TCOF1: variants seen among roughly 807,000 people sequenced by gnomAD.
TCOF1 encodes the protein treacle ribosome biogenesis factor 1.
In TCOF1, 33 loss-of-function variants were observed where a neutral mutation model predicts 149.0. The ratio of observed to expected loss-of-function variants is 0.22; its 90% CI spans 0.17 to 0.30. TCOF1 has a LOEUF of 0.30. Ranked by LOEUF, TCOF1 falls within the 10% of genes least tolerant of loss-of-function variation. The pLI is 1.00. For synonymous variants in TCOF1, 789 were observed against 738.8 expected, an observed-to-expected ratio of 1.07 and a Z score of -1.10; for missense variants, 1,728 against 1,840.7, an observed-to-expected ratio of 0.94 and a Z score of 1.12.
chr5:150,393,199 A>G, intron 22 of TCOF1, 173 bp from the exon 23 acceptor site: 1 of 727,484 alleles, frequency 1.4e-6, no homozygotes, highest in South Asian at 1.6e-5. Context: ...CAGGAGGCAC[A>G]CGCCAAGGGC....
chr5:150,358,682 C>CA (rs1759258496), intron 1 of TCOF1, among the ~76,000 whole-genome samples: 1 of 152,066 alleles, frequency 6.6e-6, no homozygotes, highest in Non-Finnish European at 1.5e-5. Context: ...ACTAAAAATA[C>CA]AAAAATTAGC....
rs532708801 is a variant in TCOF1 at position 150,381,106 on chromosome 5, G to A, written c.2859+1374G>A. ...CGGAGAGCCCTTGCCCCATCCAGAG[G>A]GGCAGTTCTTATCAGCTTCAGCCAG... On this transcript the variant is annotated intron_variant, in intron 17 of 26. Transcript: ENST00000643257. 2.0e-5 allele frequency among the ~76,000 whole-genome samples: 3 copies of A among 152,290 alleles called. No homozygotes were observed. The East Asian group carries it at 5.8e-4, about 29-fold the overall frequency.
In TCOF1 at chr5:150,375,859, T is replaced by G; in HGVS notation, c.1843T>G (p.Ser615Ala). 1.2e-6 allele frequency: 2 copies of G among 1,613,786 alleles called. No homozygotes were observed. The highest frequency in any genetic ancestry group is 1.7e-6 in the Non-Finnish European group (2 of 1,179,752). ...CAACTCGGAGAGCAGCGAGGAGTCA[T>G]CGGACAGTGCGGACAGTGAGGAGGC... ...MDNSESSEESSDSADSEEAPA... is the reference protein window; with the variant it reads ...MDNSESSEESADSADSEEAPA... The change falls in exon 12 of 27, where the codon TCG becomes GCG. Residue 615 changes from serine to alanine, a missense_variant. Coordinates refer to ENST00000643257, the MANE Select transcript of TCOF1 (RefSeq NM_001371623.1).
intron 18 of TCOF1, among the ~76,000 whole-genome samples, chr5:150,388,416 G>C (rs1362433485): frequency 1.3e-5 from 2 of 152,162 alleles, no homozygotes; most frequent in African/African-American, 4.8e-5. Flanking sequence ...TGGTCAGGGT[G>C]GTAGTGAGCT....
chr5:150,396,463 G>A lies in TCOF1; in HGVS notation c.3966G>A (p.Glu1322=), dbSNP rs1581223956. Residue 1322 remains glutamate (E), a synonymous_variant, in exon 24 of 27, where the codon GAG becomes GAA. Transcript: ENST00000643257. Reference sequence around the variant, plus strand: ...CCTCAGTGGTGAAGGTCCTGACTGAGCTGCTGGAACAGGAAAGAAAGAAGG... The same window carrying A: ...CCTCAGTGGTGAAGGTCCTGACTGAACTGCTGGAACAGGAAAGAAAGAAGG... ...VQASVVKVLT[E]LLEQERKKVV... The A allele has an allele frequency of 6.8e-6, 11 of 1,614,056 alleles. No homozygotes were observed. Among genetic ancestry groups the A allele is most frequent in the Non-Finnish European group, 9.3e-6 (11 of 1,180,012 alleles).
Position 150,396,441 on chromosome 5 carries a change from C to T in TCOF1, c.3944C>T (p.Ser1315Leu). The change falls in exon 24 of 27, where the codon TCA becomes TTA. Residue 1315 changes from serine (S) to leucine (L), a missense_variant. Physicochemically the swap from Ser to Leu is moderately radical, Grantham distance 145. Around this residue, in one of 2 missense-constraint regions of TCOF1, gnomAD observed 1,696 missense variants for 1,765.4 expected, o/e 0.96. Coordinates refer to ENST00000643257, the MANE Select transcript of TCOF1 (RefSeq NM_001371623.1). Reference protein sequence around the residue: ...WPLNEAQVQASVVKVLTELLE... With the variant: ...WPLNEAQVQALVVKVLTELLE... Reference sequence around the variant, plus strand: ...CTGAATGAGGCCCAGGTGCAGGCCTCAGTGGTGAAGGTCCTGACTGAGCTG... The same window carrying T: ...CTGAATGAGGCCCAGGTGCAGGCCTTAGTGGTGAAGGTCCTGACTGAGCTG... 8 of 1,614,020 alleles carry T rather than the reference C, an allele frequency of 5.0e-6. No individual in the cohort carries two copies. The highest frequency in any genetic ancestry group is 1.3e-5 in the African/African-American group (1 of 75,048).
chr5:150,364,146 G>A lies in TCOF1; in HGVS notation c.198G>A (p.Glu66=). The change falls in exon 3 of 27, where the codon GAG becomes GAA. Residue 66 remains glutamate, a synonymous_variant. Coordinates refer to ENST00000643257, the MANE Select transcript of TCOF1 (RefSeq NM_001371623.1). ...TSELGRKRKA[E]EDAALQAKKT... is the part of the protein sequence containing the mutation. Reference sequence around the variant, plus strand: ...AGCTTGGTCGGAAGCGGAAGGCAGAGGAAGATGCGGCACTGCAAGCTAAGA... The same window carrying A: ...AGCTTGGTCGGAAGCGGAAGGCAGAAGAAGATGCGGCACTGCAAGCTAAGA... The A allele has an allele frequency of 6.2e-7, 1 of 1,614,142 alleles. No homozygotes were observed. Among genetic ancestry groups the A allele is most frequent in the South Asian group, 1.1e-5 (1 of 91,074 alleles).
At position 150,384,616 on chromosome 5, in the gene TCOF1, A is replaced by G. The variant is rs145972471; in HGVS notation, c.2860-3286A>G. 2.1e-5 allele frequency: 21 copies of G among 985,484 alleles called. No homozygotes were observed. In the African/African-American group the frequency reaches 3.3e-4, roughly 16 times the overall value. 61.0% of individuals were successfully genotyped at this position (985,484 alleles called of 1,614,324 possible). A position where few individuals can be genotyped will look rare whatever the true frequency, so the allele number is the denominator to read the frequency against. On this transcript the variant is annotated intron_variant, in intron 17 of 26. Transcript: ENST00000643257. ...GTGGGGGTGGACTAACACAATTAAA[A>G]TGAACATCCTGCTTAAACTGAACCA...
At chr5:150,381,910 G>A (rs1765289278) in intron 17 of TCOF1, among the ~76,000 whole-genome samples, 1 of 152,136 alleles carries the variant, frequency 6.6e-6, no homozygotes, top group Admixed American at 6.6e-5. Context: ...AAGTGCTGGG[G>A]GCAGGCCAGG....
At chr5:150,398,897 C>A in intron 25 of TCOF1, 125 bp from the exon 26 acceptor site, 1 of 1,350,126 alleles carries the variant, frequency 7.4e-7, no homozygotes, top group African/African-American at 1.4e-5. Flanking sequence ...TTGCCTCTGC[C>A]CTTGGAGGTC....
Position 150,357,831 on chromosome 5 carries a change from G to A in TCOF1, c.85G>A (p.Glu29Lys), listed in dbSNP as rs1385092969. Residue 29 changes from glutamate to lysine, a missense_variant, in exon 1 of 27, where the codon GAA becomes AAA. Physicochemically the swap from Glu to Lys is moderately conservative, Grantham distance 56. This residue lies in a region of TCOF1 where 32 missense variants were observed against 75.3 expected (regional missense o/e 0.43). Coordinates refer to ENST00000643257, the MANE Select transcript of TCOF1 (RefSeq NM_001371623.1). ...LRAGYVRAAR[E>K]VKEQSGQKCF... ...GGCTGGCTATGTGCGTGCGGCGCGGGAAGTGAAGGAGCAGAGCGGCCAGGT... is the reference window on the plus strand; with the variant it reads ...GGCTGGCTATGTGCGTGCGGCGCGGAAAGTGAAGGAGCAGAGCGGCCAGGT... 6.5e-7 allele frequency: 1 copy of A among 1,549,822 alleles called. No homozygotes were observed. The highest frequency in any genetic ancestry group is 8.7e-7 in the Non-Finnish European group (1 of 1,146,526).
At position 150,376,630 on chromosome 5, in the gene TCOF1, A is replaced by C; in HGVS notation, c.2340+10A>C. The stretch of plus-strand genomic sequence containing the variant: ...TGCATCTCCAGCACAGGTGAGGCCT[A>C]GAAGGAGCAGGCCCATCCCACCCAC... On this transcript the variant is annotated intron_variant, in intron 14 of 26. Transcript: ENST00000643257. The C allele has an allele frequency of 6.4e-7, 1 of 1,555,210 alleles. No individual in the cohort carries two copies. Among genetic ancestry groups the C allele is most frequent in the Non-Finnish European group, 8.7e-7 (1 of 1,149,940 alleles).
chr5:150,373,472 C>T (rs17656747), intron 7 of TCOF1, among the ~76,000 whole-genome samples: 11,318 of 152,300 alleles, frequency 0.074, 462 homozygotes, highest in African/African-American at 0.092. Context: ...AAGATCAGAG[C>T]TGCTGTTTTC....
intron 19 of TCOF1, 21 bp downstream of exon 19, chr5:150,390,044 G>A (rs376689359): frequency 3.1e-6 from 5 of 1,592,294 alleles, no homozygotes; most frequent in Middle Eastern, 3.3e-4. Flanking sequence ...GGCAAGGGAG[G>A]GTAATGCAGG....
intron 22 of TCOF1, chr5:150,393,071 A>C: frequency 1.7e-6 from 1 of 589,612 alleles, no homozygotes; most frequent in Non-Finnish European, 3.0e-6. Context: ...ATTCTTTAGC[A>C]GATTTATTTT....
intron 18 of TCOF1, 102 bp from the exon 19 acceptor site, chr5:150,389,785 C>T: frequency 6.3e-7 from 1 of 1,599,480 alleles, no homozygotes; most frequent in Non-Finnish European, 8.5e-7. Context: ...CTGAGCACAG[C>T]TCTAGATCAC....
chr5:150,357,901 G>C (rs1243321870), intron 1 of TCOF1, 47 bp downstream of exon 1: 1 of 1,533,404 alleles, frequency 6.5e-7, no homozygotes, highest in South Asian at 1.2e-5. Flanking sequence ...AAGATGTGGA[G>C]ATCAGCGGCC....
chr5:150,387,603 G>A (rs958830767), intron 17 of TCOF1, among the ~76,000 whole-genome samples: 2 of 152,216 alleles, frequency 1.3e-5, no homozygotes, highest in African/African-American at 2.4e-5. Flanking sequence ...GCCTTGGGTC[G>A]CTCCCTTTCC....
Position 150,375,910 on chromosome 5 carries a change from G to A in TCOF1, c.1893+1G>A. The A allele has an allele frequency of 1.2e-6, 2 of 1,614,236 alleles. No homozygotes were observed. Among genetic ancestry groups the A allele is most frequent in the Non-Finnish European group, 1.7e-6 (2 of 1,180,046 alleles). On this transcript the variant is annotated splice_donor_variant, in intron 12 of 26. Transcript: ENST00000643257. LOFTEE classifies it high-confidence loss of function. ...ACCAGCAGCCATGACTGCAGCTCAG[G>A]TGAGGCCTGGGGAAGGAGGCTGCTA...
Sources: allele counts gnomAD v4.1 joint callset (sites outside exome capture counted in the v4.1 genomes callset), GRCh38; gene constraint gnomAD v4.1.1; regional missense constraint gnomAD v4.1.1; transcripts MANE v1.5; gene names NCBI Gene and HGNC (gene_info 2026-07-23, HGNC 2026-07-21).